The following RIMBP2 variants were observed in gnomAD, a reference collection of about 807,000 sequenced individuals.
RIMBP2 encodes the protein RIMS binding protein 2.
Under a neutral mutation model 118.6 loss-of-function variants are expected in RIMBP2, and 48 were observed. That is an observed-to-expected ratio of 0.40 (90% CI 0.32 to 0.51). The LOEUF is 0.51. RIMBP2 is among the 20% of genes least tolerant of loss of function. The pLI is 0.41. For missense variants in RIMBP2, 1,551 were observed against 1,768.3 expected, an observed-to-expected ratio of 0.88 and a Z score of 2.20; for synonymous variants, 762 against 742.9, an observed-to-expected ratio of 1.03 and a Z score of -0.42.
chr12:130,457,771 C>CCAG (rs552399781), intron 6 of RIMBP2, among the ~76,000 whole-genome samples: 220 of 152,320 alleles, frequency 1.4e-3, no homozygotes, highest in African/African-American at 5.0e-3. Flanking sequence ...GACTCAGCAC[C>CCAG]CAGCAGGTGC....
chr12:130,445,347 C>T (rs545771555), intron 9 of RIMBP2, 78 bp from the exon 10 acceptor site: 71 of 943,778 alleles, frequency 7.5e-5, no homozygotes, highest in African/African-American at 4.3e-4. Context: ...GAACGCCAGA[C>T]GGGCACATGG....
At chr12:130,674,059 A>T (rs1281631608) in intron 1 of RIMBP2, among the ~76,000 whole-genome samples, 1 of 152,076 alleles carries the variant, frequency 6.6e-6, no homozygotes, top group Non-Finnish European at 1.5e-5. Context: ...TGGAGGCTGC[A>T]GTGAGCCAAG....
intron 1 of RIMBP2, among the ~76,000 whole-genome samples, chr12:130,648,626 T>C (rs1393740979): frequency 1.4e-5 from 2 of 145,200 alleles, no homozygotes; most frequent in Non-Finnish European, 3.1e-5. Context: ...CCATTAATCA[T>C]AATCAAGTTA....
At chr12:130,451,697 C>T (rs1480312995) in intron 7 of RIMBP2, among the ~76,000 whole-genome samples, 1 of 152,278 alleles carries the variant, frequency 6.6e-6, no homozygotes, top group Non-Finnish European at 1.5e-5. Context: ...AAACCTCCTG[C>T]ACCTGCGAGA....
chr12:130,671,299 A>T (rs1483213434), intron 1 of RIMBP2, among the ~76,000 whole-genome samples: 1 of 152,228 alleles, frequency 6.6e-6, no homozygotes, highest in Admixed American at 6.5e-5. Flanking sequence ...TCACTGTCAG[A>T]TGCCGTCATT....
intron 2 of RIMBP2, among the ~76,000 whole-genome samples, chr12:130,583,154 G>A (rs1456931821): frequency 6.6e-6 from 1 of 152,150 alleles, no homozygotes; most frequent in Non-Finnish European, 1.5e-5. Flanking sequence ...TCCATCCCCA[G>A]GCTAGCTGGG....
chr12:130,526,721 C>T (rs1269561799), intron 2 of RIMBP2, among the ~76,000 whole-genome samples: 4 of 151,856 alleles, frequency 2.6e-5, no homozygotes, highest in Non-Finnish European at 2.9e-5. Flanking sequence ...CAAACATAGA[C>T]TATATAGTTA....
chr12:130,642,343 G>A (rs112469664), intron 1 of RIMBP2, among the ~76,000 whole-genome samples: 3,396 of 152,202 alleles, frequency 0.022, 120 homozygotes, highest in African/African-American at 0.077. Flanking sequence ...AGAGTGCAAT[G>A]GCGCGATCTC....
At chr12:130,547,843 CTT>C (rs914305171) in intron 2 of RIMBP2, among the ~76,000 whole-genome samples, 1 of 152,176 alleles carries the variant, frequency 6.6e-6, no homozygotes, top group African/African-American at 2.4e-5. Context: ...ATTAGAGAAA[CTT>C]ATTATATTTA....
chr12:130,678,494 G>A (rs186437661), intron 1 of RIMBP2, among the ~76,000 whole-genome samples: 2 of 152,106 alleles, frequency 1.3e-5, no homozygotes, highest in South Asian at 2.1e-4. Flanking sequence ...AGCCAGGCAC[G>A]AAGGCCACAT....
chr12:130,502,370 C>T (rs1312514363), intron 4 of RIMBP2, among the ~76,000 whole-genome samples: 3 of 152,170 alleles, frequency 2.0e-5, no homozygotes, highest in Non-Finnish European at 4.4e-5. Context: ...GGAATTCTAC[C>T]TTGGCCTGTA....
chr12:130,544,836 G>A (rs907878271), intron 2 of RIMBP2, among the ~76,000 whole-genome samples: 1 of 151,864 alleles, frequency 6.6e-6, no homozygotes, highest in Admixed American at 6.6e-5. Flanking sequence ...CAGGTGATCT[G>A]CCTGCCTCCA....
intron 2 of RIMBP2, among the ~76,000 whole-genome samples, chr12:130,557,662 G>C (rs955567621): frequency 6.6e-6 from 1 of 152,188 alleles, no homozygotes; most frequent in Non-Finnish European, 1.5e-5. Context: ...AAGCCACCGA[G>C]TTGCTGTAAT....
rs551134496 is a variant in RIMBP2 at position 130,399,691 on chromosome 12, T to G, written c.3888A>C (p.Ser1296=). The G allele has an allele frequency of 5.0e-6, 8 of 1,614,100 alleles. No individual in the cohort carries two copies. The highest frequency in any genetic ancestry group is 1.7e-5 in the Admixed American group (1 of 60,010). ...TAGGTTTGCTTACCCTTTTTGCCTTTGAGCGCATTGGCGTATCTTGAGAGT... is the reference window on the plus strand; with the variant it reads ...TAGGTTTGCTTACCCTTTTTGCCTTGGAGCGCATTGGCGTATCTTGAGAGT... The part of the protein sequence containing the change: ...SHYSQDTPMR[S]KAKRVPPEGS... Residue 1296 remains serine, a synonymous_variant, in exon 22 of 23, where the codon TCA becomes TCC. Transcript: ENST00000690449.
chr12:130,643,527 G>A (rs574540634), intron 1 of RIMBP2, among the ~76,000 whole-genome samples: 45 of 151,024 alleles, frequency 3.0e-4, no homozygotes, highest in African/African-American at 1.1e-3. Flanking sequence ...CTAGGTCAGG[G>A]GCAGGTGCCC....
chr12:130,702,379 G>T (rs1156274606), intron 1 of RIMBP2, among the ~76,000 whole-genome samples: 1 of 152,076 alleles, frequency 6.6e-6, no homozygotes. Context: ...AACTGAGTGT[G>T]TTGGCACATG....
At chr12:130,579,755 T>C (rs923685157) in intron 2 of RIMBP2, among the ~76,000 whole-genome samples, 1 of 147,354 alleles carries the variant, frequency 6.8e-6, no homozygotes, top group Non-Finnish European at 1.5e-5. Flanking sequence ...ACTAGATGAG[T>C]GGACCCAGCA....
intron 3 of RIMBP2, among the ~76,000 whole-genome samples, chr12:130,517,608 G>C (rs537014161): frequency 1.3e-5 from 2 of 152,128 alleles, no homozygotes; most frequent in South Asian, 4.2e-4. Context: ...GTGCCTAATA[G>C]ACTTCCAAGC....
In RIMBP2 at chr12:130,450,428, AC is replaced by A; in HGVS notation, c.505-153del. On this transcript the variant is annotated intron_variant, in intron 8 of 22. Coordinates refer to ENST00000690449, the MANE Select transcript of RIMBP2 (RefSeq NM_001393629.1). This position sits in a 1 kb window ranked among gnomAD's most constrained non-coding sequence, Gnocchi z 4.8. ...TCCCAGGAGGCACTGCCACCCGCACACCCACATGCGAGCTTGGAAAGGAGGG... is the reference window on the plus strand; with the variant it reads ...TCCCAGGAGGCACTGCCACCCGCACACCACATGCGAGCTTGGAAAGGAGGG... 1 of 642,094 alleles carries A rather than the reference AC, an allele frequency of 1.6e-6. No individual in the cohort carries two copies. Among genetic ancestry groups the A allele is most frequent in the Non-Finnish European group, 2.9e-6 (1 of 348,124 alleles). The allele number at this position is 642,094 out of a possible 1,614,324, so 39.8% of individuals were successfully genotyped here. A position where few individuals can be genotyped will look rare whatever the true frequency, so the allele number is the denominator to read the frequency against.
Sources: gnomAD v4.1 joint callset for allele counts (sites outside exome capture counted in the v4.1 genomes callset) on GRCh38, gnomAD v4.1.1 for gene constraint, Gnocchi (gnomAD v3.1) non-coding constraint, MANE v1.5 for transcripts, NCBI Gene and HGNC (gene_info 2026-07-23, HGNC 2026-07-21) for gene names.